The following PARM1 variants were observed in gnomAD, a reference collection of about 807,000 sequenced individuals.
The protein encoded by PARM1 is prostate androgen-regulated mucin-like protein 1.
In PARM1, 14 loss-of-function variants were observed where a neutral mutation model predicts 24.6. The ratio of observed to expected loss-of-function variants is 0.57; its 90% CI spans 0.38 to 0.89. PARM1 has a LOEUF of 0.89. Among genes scored for constraint, PARM1 ranks in the 40% least tolerant of loss-of-function variants. PARM1 has a pLI of 0.00. For synonymous variants in PARM1, 179 were observed against 156.6 expected, an observed-to-expected ratio of 1.14 and a Z score of -1.07; for missense variants, 362 against 380.4, an observed-to-expected ratio of 0.95 and a Z score of 0.40.
intron 1 of PARM1, among the ~76,000 whole-genome samples, chr4:74,984,292 T>C (rs1722310839): frequency 6.6e-6 from 1 of 152,216 alleles, no homozygotes; most frequent in African/African-American, 2.4e-5. Flanking sequence ...CTTCACTAAA[T>C]GGTAACTTAA....
rs1381864802 is a variant in PARM1 at position 74,933,371 on chromosome 4, G to A, written c.43+1G>A. ...TTCGCTCTTTGCATCTTAACTGCAG[G>A]TAATTGGCGCCATCCTCCCGGAAGG... On this transcript the variant is annotated splice_donor_variant, in intron 1 of 3. Coordinates refer to ENST00000307428, the MANE Select transcript of PARM1 (RefSeq NM_015393.4). LOFTEE classifies it high-confidence loss of function. 1 of 1,612,638 alleles carries A rather than the reference G, an allele frequency of 6.2e-7. No homozygotes were observed. Among genetic ancestry groups the A allele is most frequent in the South Asian group, 1.1e-5 (1 of 90,860 alleles).
At chr4:75,042,159 G>A (rs188436462) in intron 3 of PARM1, among the ~76,000 whole-genome samples, 29 of 152,282 alleles carry the variant, frequency 1.9e-4, no homozygotes, top group African/African-American at 6.0e-4. Context: ...CACTATCTAT[G>A]CTGCTGCATA....
In PARM1 at chr4:75,025,233, G is replaced by A. The variant is rs944146924; in HGVS notation, c.770-8650G>A. 3.1e-4 allele frequency among the ~76,000 whole-genome samples: 47 copies of A among 152,146 alleles called. 1 individual carries two copies. Among genetic ancestry groups the A allele is most frequent in the African/African-American group, 1.0e-3 (43 of 41,418 alleles). On this transcript the variant is annotated intron_variant, in intron 2 of 3. Coordinates refer to ENST00000307428, the MANE Select transcript of PARM1 (RefSeq NM_015393.4). ...GAGATTCCCCAGCCTGGCCTCTGGT[G>A]TTCCTCATTTCTGGCACACTCCTTT... is the stretch of plus-strand genomic sequence containing the variant.
rs769658076 is a variant in PARM1 at position 75,033,905 on chromosome 4, G to T, written c.792G>T (p.Val264=). ...CAGGCAGCATCGCCGCCATTACCGT[G>T]ACAGTCATTGCCGTGGTGCTGCTGG... is the stretch of plus-strand genomic sequence containing the variant. ...LSSGSIAAIT[V]TVIAVVLLVF... is the part of the protein sequence containing the mutation. Residue 264 remains valine (V), a synonymous_variant, in exon 3 of 4, where the codon GTG becomes GTT. Coordinates refer to ENST00000307428, the MANE Select transcript of PARM1 (RefSeq NM_015393.4). 8.1e-6 allele frequency: 13 copies of T among 1,604,046 alleles called. No homozygotes were observed. In the Admixed American group the frequency reaches 8.5e-5, roughly 10 times the overall value.
chr4:75,007,143 A>G (rs1352662879), intron 1 of PARM1, among the ~76,000 whole-genome samples: 3 of 152,250 alleles, frequency 2.0e-5, no homozygotes, highest in Non-Finnish European at 4.4e-5. Context: ...ATCACTGGCC[A>G]TGAGAGAAAT....
intron 1 of PARM1, among the ~76,000 whole-genome samples, chr4:74,944,152 C>A (rs1721364418): frequency 6.6e-6 from 1 of 152,150 alleles, no homozygotes; most frequent in East Asian, 1.9e-4. Flanking sequence ...GAAACAAATA[C>A]TCATGGTGCA....
chr4:74,940,440 G>A (rs998170676), intron 1 of PARM1, among the ~76,000 whole-genome samples: 3 of 152,186 alleles, frequency 2.0e-5, no homozygotes, highest in Admixed American at 6.5e-5. Flanking sequence ...CAGGTTCTGC[G>A]TCTGGAGGGG....
intron 2 of PARM1, among the ~76,000 whole-genome samples, chr4:75,024,212 C>T (rs540847952): frequency 1.3e-5 from 2 of 151,456 alleles, no homozygotes; most frequent in Admixed American, 6.6e-5. Flanking sequence ...GCGGAGCTTG[C>T]GCCACTGCAC....
intron 1 of PARM1, among the ~76,000 whole-genome samples, chr4:74,953,860 A>G (rs1002002801): frequency 6.6e-6 from 1 of 152,128 alleles, no homozygotes; most frequent in Non-Finnish European, 1.5e-5. Flanking sequence ...TTGGGCTGCA[A>G]CCCCAGGAAG....
At chr4:74,952,482 C>T (rs535620551) in intron 1 of PARM1, among the ~76,000 whole-genome samples, 8 of 152,208 alleles carry the variant, frequency 5.3e-5, no homozygotes, top group African/African-American at 1.9e-4. Flanking sequence ...GTTGCCATTG[C>T]TTTTGGTGTT....
Position 75,021,390 on chromosome 4 carries a change from A to G in PARM1, c.769+8240A>G, listed in dbSNP as rs192845551. Among the ~76,000 whole-genome samples, 61 of 151,356 alleles carry G rather than the reference A, an allele frequency of 4.0e-4. 1 individual carries two copies. Among genetic ancestry groups the G allele is most frequent in the African/African-American group, 1.2e-3 (50 of 41,268 alleles). ...TTTCCCATAGACTCCAAGGCTGCCAATGCTATGGGTTGTTATAAACTCTCA... is the reference window on the plus strand; with the variant it reads ...TTTCCCATAGACTCCAAGGCTGCCAGTGCTATGGGTTGTTATAAACTCTCA... On this transcript the variant is annotated intron_variant, in intron 2 of 3. Transcript: ENST00000307428.
At position 75,012,783 on chromosome 4, in the gene PARM1, G is replaced by A. The variant is rs1387647386; in HGVS notation, c.402G>A (p.Val134=). The change falls in exon 2 of 4, where the codon GTG becomes GTA. Residue 134 remains valine, a synonymous_variant. Transcript: ENST00000307428. ...GCTCGGGCACTCCTGAAGCAGGCGT[G>A]GCAGCTACACTGTCGCAGTCCGCTG... is the stretch of plus-strand genomic sequence containing the variant. ...EHSSGTPEAG[V]AATLSQSAAE... is the part of the protein sequence containing the mutation. 6 of 1,613,778 alleles carry A rather than the reference G, an allele frequency of 3.7e-6. No individual in the cohort carries two copies. The highest frequency in any genetic ancestry group is 5.1e-6 in the Non-Finnish European group (6 of 1,179,878).
intron 1 of PARM1, among the ~76,000 whole-genome samples, chr4:74,997,518 G>C (rs1320186593): frequency 6.6e-6 from 1 of 152,160 alleles, no homozygotes; most frequent in African/African-American, 2.4e-5. Flanking sequence ...CCTCTTGTGA[G>C]CTGCTTGACA....
chr4:75,049,241 T>C lies in PARM1; in HGVS notation c.*2994T>C, dbSNP rs985908428. The C allele has an allele frequency of 2.0e-5, 3 of 152,174 alleles. No individual in the cohort carries two copies. The highest frequency in any genetic ancestry group is 4.4e-5 in the Non-Finnish European group (3 of 68,038). 9.4% of individuals were successfully genotyped at this position (152,174 alleles called of 1,614,324 possible). Reference sequence around the variant, plus strand: ...CCCTGCACGTCTGTGTCTTCATTTCTAAAATGGGGGTGATGCTTTCATATT... The same window carrying C: ...CCCTGCACGTCTGTGTCTTCATTTCCAAAATGGGGGTGATGCTTTCATATT... On this transcript the variant is annotated 3_prime_UTR_variant, in exon 4 of 4. Transcript: ENST00000307428.
At position 75,048,980 on chromosome 4, in the gene PARM1, T is replaced by C. The variant is rs1723666068; in HGVS notation, c.*2733T>C. 6.6e-6 allele frequency: 1 copy of C among 152,520 alleles called. No individual in the cohort carries two copies. Among genetic ancestry groups the C allele is most frequent in the Non-Finnish European group, 1.5e-5 (1 of 68,028 alleles). 9.4% of individuals were successfully genotyped at this position (152,520 alleles called of 1,614,324 possible). A position where few individuals can be genotyped will look rare whatever the true frequency, so the allele number is the denominator to read the frequency against. Reference sequence around the variant, plus strand: ...ACACATCTGAAATATATGCCGAAAATTGACGTCTTTGACCTCAGGGAGAGC... The same window carrying C: ...ACACATCTGAAATATATGCCGAAAACTGACGTCTTTGACCTCAGGGAGAGC... On this transcript the variant is annotated 3_prime_UTR_variant, in exon 4 of 4. Transcript: ENST00000307428.
intron 1 of PARM1, among the ~76,000 whole-genome samples, chr4:74,972,409 C>T (rs1722056998): frequency 6.6e-6 from 1 of 152,224 alleles, no homozygotes; most frequent in Non-Finnish European, 1.5e-5. Context: ...TTATTTGGCA[C>T]TGAGTTATGT....
At chr4:74,950,744 T>A (rs1721506564) in intron 1 of PARM1, among the ~76,000 whole-genome samples, 1 of 152,226 alleles carries the variant, frequency 6.6e-6, no homozygotes, top group South Asian at 2.1e-4. Context: ...ATCAAGTTTT[T>A]TTTATTTGTT....
At chr4:74,987,708 C>T (rs577174524) in intron 1 of PARM1, among the ~76,000 whole-genome samples, 5 of 152,218 alleles carry the variant, frequency 3.3e-5, no homozygotes, top group East Asian at 1.9e-4. Flanking sequence ...TCAACAGATC[C>T]TGTGTTGTTT....
At position 75,048,891 on chromosome 4, in the gene PARM1, C is replaced by T. The variant is rs1016429971; in HGVS notation, c.*2644C>T. 58 of 152,582 alleles carry T rather than the reference C, an allele frequency of 3.8e-4. 1 individual carries two copies. Among genetic ancestry groups the T allele is most frequent in the African/African-American group, 1.3e-3 (53 of 41,426 alleles). The allele number at this position is 152,582 out of a possible 1,614,324, so 9.5% of individuals were successfully genotyped here. On this transcript the variant is annotated 3_prime_UTR_variant, in exon 4 of 4. Coordinates refer to ENST00000307428, the MANE Select transcript of PARM1 (RefSeq NM_015393.4). ...TATTTTGCCAAATGTATCTTTTCTG[C>T]TTTTGAATTGGGCAGAAGATTTTAG... is the stretch of plus-strand genomic sequence containing the variant.
Sources: gnomAD v4.1 joint callset for allele counts (sites outside exome capture counted in the v4.1 genomes callset) on GRCh38, gnomAD v4.1.1 for gene constraint, MANE v1.5 for transcripts, NCBI Gene and HGNC (gene_info 2026-07-23, HGNC 2026-07-21) for gene names.